Variants in USP32 observed in about 807,000 individuals in gnomAD.
USP32 encodes ubiquitin specific peptidase 32, also known as ubiquitin carboxyl-terminal hydrolase 32.
USP32 carries 59 observed loss-of-function variants against 204.8 expected under a neutral mutation model. The observed-to-expected ratio is 0.29, with a 90% confidence interval of 0.23 to 0.36. The LOEUF (loss-of-function observed/expected upper bound fraction) is 0.36. USP32 is among the 10% of genes least tolerant of loss of function. The probability of loss-of-function intolerance (pLI) is 1.00; values close to 1 mark genes in which losing one functional copy is unlikely to be tolerated. For missense variants in USP32, 1,160 were observed against 1,946.4 expected (o/e 0.60, Z 7.60); for synonymous variants, 517 against 678.4 (o/e 0.76, Z 3.70).
chr17:60,286,524 C>T (rs902597921), intron 5 of USP32, among the ~76,000 whole-genome samples: 19 of 152,260 alleles, frequency 1.2e-4, no homozygotes, highest in African/African-American at 4.6e-4. Context: ...TGAGGCAGAG[C>T]AGGAGGCACC....
chr17:60,277,259 C>A (rs534728261), intron 5 of USP32, among the ~76,000 whole-genome samples: 1 of 152,288 alleles, frequency 6.6e-6, no homozygotes, highest in Admixed American at 6.5e-5. Flanking sequence ...TCTCACCTCA[C>A]CAAAGGCTCC....
chr17:60,314,756 A>G (rs2087933420), intron 2 of USP32, among the ~76,000 whole-genome samples: 2 of 152,228 alleles, frequency 1.3e-5, no homozygotes, highest in Non-Finnish European at 2.9e-5. Flanking sequence ...CTCATATGTA[A>G]GATAAACAAA....
intron 9 of USP32, among the ~76,000 whole-genome samples, chr17:60,260,159 C>A (rs2086417882): frequency 6.6e-6 from 1 of 152,128 alleles, no homozygotes; most frequent in Non-Finnish European, 1.5e-5. Flanking sequence ...TACTAGATAA[C>A]CATCCATCAT....
chr17:60,337,706 G>A (rs1598261840), intron 2 of USP32, among the ~76,000 whole-genome samples: 3 of 151,920 alleles, frequency 2.0e-5, no homozygotes, highest in East Asian at 1.9e-4. Flanking sequence ...GTGAGACCCC[G>A]TCTCCACAAA....
intron 5 of USP32, among the ~76,000 whole-genome samples, chr17:60,287,808 C>T (rs9897707): frequency 0.21 from 31,781 of 151,862 alleles, 8,156 homozygotes; most frequent in African/African-American, 0.61. Flanking sequence ...AAAAACAAAA[C>T]ACTGACAAAA....
intron 1 of USP32, among the ~76,000 whole-genome samples, chr17:60,375,797 G>A (rs1412762040): frequency 1.3e-5 from 2 of 152,012 alleles, no homozygotes; most frequent in Admixed American, 6.6e-5. Context: ...TAGTAGAGAC[G>A]AGGTTTCACC....
chr17:60,266,582 G>A (rs1288186027), intron 7 of USP32, among the ~76,000 whole-genome samples: 5 of 151,350 alleles, frequency 3.3e-5, no homozygotes, highest in South Asian at 4.2e-4. Context: ...TCTGCCTCCC[G>A]AGTTCAAGTA....
chr17:60,311,651 T>C (rs1164460473), intron 2 of USP32, among the ~76,000 whole-genome samples: 1 of 152,100 alleles, frequency 6.6e-6, no homozygotes, highest in East Asian at 1.9e-4. Flanking sequence ...GGTGAAACCC[T>C]GTCTCTACTA....
intron 2 of USP32, among the ~76,000 whole-genome samples, chr17:60,314,098 T>C (rs1229262813): frequency 2.0e-5 from 3 of 146,654 alleles, no homozygotes; most frequent in Admixed American, 6.8e-5. Context: ...GTGAAAAATA[T>C]AATATCTGAA....
intron 1 of USP32, among the ~76,000 whole-genome samples, chr17:60,399,731 G>T (rs1347235225): frequency 1.3e-5 from 2 of 152,062 alleles, no homozygotes; most frequent in Non-Finnish European, 2.9e-5. Context: ...GAAGCAAAAA[G>T]GGTGATATTT....
intron 2 of USP32, among the ~76,000 whole-genome samples, chr17:60,338,182 G>A (rs1472791068): frequency 6.6e-6 from 1 of 151,938 alleles, no homozygotes; most frequent in Non-Finnish European, 1.5e-5. Flanking sequence ...AAAATTAGCT[G>A]GGCATGGTGG....
chr17:60,378,719 T>C (rs1210500382), intron 1 of USP32, among the ~76,000 whole-genome samples: 2 of 152,080 alleles, frequency 1.3e-5, no homozygotes, highest in Non-Finnish European at 2.9e-5. Flanking sequence ...ACATGAAGTA[T>C]CTAGAATAGG....
intron 1 of USP32, among the ~76,000 whole-genome samples, chr17:60,414,357 G>C (rs1016886448): frequency 5.3e-5 from 8 of 150,728 alleles, no homozygotes; most frequent in Non-Finnish European, 1.2e-4. Flanking sequence ...AGCAAGACAA[G>C]ATGTTATCTT....
intron 13 of USP32, among the ~76,000 whole-genome samples, chr17:60,225,823 G>A (rs751463417): frequency 2.6e-5 from 4 of 152,082 alleles, no homozygotes; most frequent in Non-Finnish European, 4.4e-5. Context: ...GCGTGGTGGC[G>A]GGTGCCTGTA....
intron 2 of USP32, among the ~76,000 whole-genome samples, chr17:60,303,528 C>A (rs1381499248): frequency 7.3e-5 from 11 of 150,864 alleles, no homozygotes; most frequent in African/African-American, 2.7e-4. Context: ...GAGCCCTAAC[C>A]CCTAAAAAAA....
chr17:60,244,057 A>ATTTTTTTTTTTTTTTTTTTTT, intron 11 of USP32, among the ~76,000 whole-genome samples: 1 of 89,854 alleles, frequency 1.1e-5, no homozygotes, highest in African/African-American at 6.0e-5. Context: ...TTTTTTTGAG[A>ATTTTTTTTTTTTTTTTTTTTT]TGGAGTCTAG....
intron 1 of USP32, among the ~76,000 whole-genome samples, chr17:60,401,203 C>T (rs1471330302): frequency 2.0e-5 from 3 of 151,086 alleles, no homozygotes; most frequent in Non-Finnish European, 4.4e-5. Context: ...CACCTGTAAT[C>T]CCAGCACTTT....
rs1481527808 is a variant in USP32 at position 60,417,154 on chromosome 17, G to T, written c.106+5092C>A. Reference sequence around the variant, plus strand: ...GCTGGTCTCGAACTCCTGACCTCAGGTGATCCACCCACCTCAGCCTCCCAA... The same window carrying T: ...GCTGGTCTCGAACTCCTGACCTCAGTTGATCCACCCACCTCAGCCTCCCAA... On this transcript the variant is annotated intron_variant, in intron 1 of 3. Transcript: ENST00000588898. 2.6e-5 allele frequency among the ~76,000 whole-genome samples: 4 copies of T among 152,018 alleles called. No individual in the cohort carries two copies. In the East Asian group the frequency reaches 7.7e-4, roughly 29 times the overall value.
At chr17:60,319,641 G>C (rs2145936701) in intron 2 of USP32, among the ~76,000 whole-genome samples, 1 of 151,996 alleles carries the variant, frequency 6.6e-6, no homozygotes, top group East Asian at 1.9e-4. Context: ...TTAGGCAGAA[G>C]TGGTGGTGCG....
Sources: gnomAD v4.1 joint callset for allele counts (sites outside exome capture counted in the v4.1 genomes callset) on GRCh38, gnomAD v4.1.1 for gene constraint, MANE v1.5 for transcripts, NCBI Gene and HGNC (gene_info 2026-07-23, HGNC 2026-07-21) for gene names.